Variants in ITGA7 observed in about 807,000 individuals in gnomAD.
The protein encoded by ITGA7 is integrin alpha-7.
Under a neutral mutation model 131.6 loss-of-function variants are expected in ITGA7, and 84 were observed. The ratio of observed to expected loss-of-function variants is 0.64; its 90% CI spans 0.54 to 0.77. The LOEUF is 0.77. Among genes scored for constraint, ITGA7 ranks in the 30% least tolerant of loss-of-function variants. The pLI is 0.00. For missense variants in ITGA7, 1,399 were observed against 1,482.9 expected (o/e 0.94, Z 0.93); for synonymous variants, 548 against 600.7 (o/e 0.91, Z 1.28).
intron 24 of ITGA7, chr12:55,686,324 C>T (rs768207634): frequency 6.4e-5 from 85 of 1,319,028 alleles, no homozygotes; most frequent in Non-Finnish European, 8.2e-5. Flanking sequence ...ACTAGGATGT[C>T]GAGGGAGAAG....
At position 55,697,957 on chromosome 12, in the gene ITGA7, A is replaced by AC. The variant is rs1190056931; in HGVS notation, c.1261dup (p.Val421GlyfsTer36). The AC allele has an allele frequency of 6.2e-7, 1 of 1,613,894 alleles. No individual in the cohort carries two copies. Among genetic ancestry groups the AC allele is most frequent in the East Asian group, 2.2e-5 (1 of 44,856 alleles). On this transcript the variant is annotated frameshift_variant, in exon 8 of 25. Transcript: ENST00000257879. LOFTEE classifies it high-confidence loss of function. ...CCTCACCTGTGAAGGTTTGGCGACA[A>AC]CCCCCAGGCTGCTCCCATGGTAGAT...
At chr12:55,696,789 G>T in intron 12 of ITGA7, 110 bp downstream of exon 12, 1 of 1,245,474 alleles carries the variant, frequency 8.0e-7, no homozygotes, top group South Asian at 1.2e-5. Context: ...CACGTGTCTA[G>T]GTCTTAGAAG....
chr12:55,700,764 G>A (rs1873816421), intron 4 of ITGA7, 135 bp downstream of exon 4: 5 of 1,144,838 alleles, frequency 4.4e-6, no homozygotes, highest in Admixed American at 1.9e-5. Context: ...TCAATGGGGT[G>A]GAAGGCATGG....
chr12:55,685,015 A>G lies in ITGA7; in HGVS notation c.*43T>C. On this transcript the variant is annotated 3_prime_UTR_variant, in exon 25 of 25. Transcript: ENST00000257879. The stretch of plus-strand genomic sequence containing the variant: ...TCATCCCAAGGAGCCATCTCTGGGG[A>G]AGGGATGGAGGGCAGCCACAGGCCA... 6.8e-7 allele frequency: 1 copy of G among 1,464,378 alleles called. No homozygotes were observed. 90.7% of individuals were successfully genotyped at this position (1,464,378 alleles called of 1,614,324 possible). A position where few individuals can be genotyped will look rare whatever the true frequency, so the allele number is the denominator to read the frequency against.
Position 55,701,148 on chromosome 12 carries a change from C to T in ITGA7, c.421G>A (p.Ala141Thr). ...CGCTGCCTTGCCTCATATCGGTGTGCACAGGTCTGGGGGAGGAAGGGATGG... is the reference window on the plus strand; with the variant it reads ...CGCTGCCTTGCCTCATATCGGTGTGTACAGGTCTGGGGGAGGAAGGGATGG... ...QGPGGKIVTC[A>T]HRYEARQRVD... The change falls in exon 4 of 25, where the codon GCA (alanine) becomes ACA (threonine). Residue 141 changes from alanine (A) to threonine (T), a missense_variant. Ala to Thr is a moderately conservative substitution (Grantham distance 58). Coordinates refer to ENST00000257879, the MANE Select transcript of ITGA7 (RefSeq NM_002206.3). 3.1e-6 allele frequency: 5 copies of T among 1,614,216 alleles called. No individual in the cohort carries two copies. The highest frequency in any genetic ancestry group is 4.2e-6 in the Non-Finnish European group (5 of 1,180,046).
At chr12:55,696,774 T>C (rs2136018271) in intron 12 of ITGA7, 125 bp downstream of exon 12, 1 of 1,083,434 alleles carries the variant, frequency 9.2e-7, no homozygotes, top group Non-Finnish European at 1.4e-6. Flanking sequence ...AGAAGACAGG[T>C]TTCCCACGTG....
Position 55,693,148 on chromosome 12 carries a change from A to G in ITGA7, c.2705T>C (p.Leu902Pro), listed in dbSNP as rs1381841287. Residue 902 changes from leucine to proline, a missense_variant, in exon 20 of 25, where the codon CTC becomes CCC. Leu to Pro is a moderately conservative substitution (Grantham distance 98). Coordinates refer to ENST00000257879, the MANE Select transcript of ITGA7 (RefSeq NM_002206.3). Reference sequence around the variant, plus strand: ...CCCCCACCTAAGCCTCACCAGGTGGAGGATGTTGGGCCTGGGAGAGCAAAG... The same window carrying G: ...CCCCCACCTAAGCCTCACCAGGTGGGGGATGTTGGGCCTGGGAGAGCAAAG... The part of the protein sequence containing the change: ...KGLCSPRPNI[L>P]HLDVDSRDRR... 1 of 1,613,490 alleles carries G rather than the reference A, an allele frequency of 6.2e-7. No homozygotes were observed. Among genetic ancestry groups the G allele is most frequent in the Non-Finnish European group, 8.5e-7 (1 of 1,179,678 alleles).
rs1387335913 is a variant in ITGA7 at position 55,696,918 on chromosome 12, T to C, written c.1718A>G (p.Asp573Gly). The C allele has an allele frequency of 6.2e-7, 1 of 1,614,118 alleles. No homozygotes were observed. The change falls in exon 12 of 25, where the codon GAC (aspartate) becomes GGC (glycine). Residue 573 changes from aspartate (D) to glycine (G), a missense_variant. By Grantham distance (94) the Asp-to-Gly change is moderately conservative (BLOSUM62 -1). Transcript: ENST00000257879. Reference sequence around the variant, plus strand: ...GTCCACCTGGAGCTGGAACATGGCGTCTCCACAGACTCGGTCATGCTGGTG... The same window carrying C: ...GTCCACCTGGAGCTGGAACATGGCGCCTCCACAGACTCGGTCATGCTGGTG... Reference protein sequence around the residue: ...LKHQHDRVCGDAMFQLQENVK... With the variant: ...LKHQHDRVCGGAMFQLQENVK...
Position 55,694,726 on chromosome 12 carries a change from G to C in ITGA7, c.2197-31C>G, listed in dbSNP as rs748852658. ...ATGGGAGAGAAGGCAAGGTCAGTCT[G>C]GGTTACTGGAGCCCCTCAAGACCCC... On this transcript the variant is annotated intron_variant, in intron 15 of 24. Transcript: ENST00000257879. This position sits in a 1 kb window ranked among gnomAD's most constrained non-coding sequence, Gnocchi z 5.3. The C allele has an allele frequency of 6.2e-7, 1 of 1,613,858 alleles. No homozygotes were observed. The highest frequency in any genetic ancestry group is 8.5e-7 in the Non-Finnish European group (1 of 1,179,768).
Position 55,707,758 on chromosome 12 carries a change from G to C in ITGA7, c.-76C>G. 1 of 1,546,932 alleles carries C rather than the reference G, an allele frequency of 6.5e-7. No homozygotes were observed. Among genetic ancestry groups the C allele is most frequent in the South Asian group, 1.2e-5 (1 of 83,938 alleles). ...CCCCAAGCCCCAGGTCCCCCCAGGC[G>C]CGTCTCTGGTCTCCAAAGTCTCGTT... is the stretch of plus-strand genomic sequence containing the variant. On this transcript the variant is annotated 5_prime_UTR_variant, in exon 1 of 25. Coordinates refer to ENST00000257879, the MANE Select transcript of ITGA7 (RefSeq NM_002206.3).
intron 3 of ITGA7, 186 bp downstream of exon 3, chr12:55,702,686 A>G: frequency 1.6e-6 from 1 of 644,646 alleles, no homozygotes; most frequent in East Asian, 2.8e-5. Flanking sequence ...ATGAATGGAC[A>G]GACATTTTTA....
upstream of ITGA7, chr12:55,712,071 C>T: frequency 6.4e-7 from 1 of 1,551,396 alleles, no homozygotes; most frequent in South Asian, 1.2e-5. Flanking sequence ...ACCTCTCCAG[C>T]ACTGGAATCC....
chr12:55,714,010 A>G (rs1232671779), upstream of ITGA7, among the ~76,000 whole-genome samples: 2 of 152,242 alleles, frequency 1.3e-5, no homozygotes, highest in African/African-American at 4.8e-5. Flanking sequence ...AGCTGGAAAT[A>G]GTTTTAGATA....
chr12:55,695,312 G>A, intron 14 of ITGA7: 4 of 604,924 alleles, frequency 6.6e-6, no homozygotes, highest in South Asian at 2.0e-5. Flanking sequence ...TTAGTGTACT[G>A]TGAAGGATTG....
At chr12:55,687,144 T>C (rs1040516395) in intron 24 of ITGA7, among the ~76,000 whole-genome samples, 1 of 147,902 alleles carries the variant, frequency 6.8e-6, no homozygotes, top group South Asian at 2.2e-4. Context: ...ATAAAATCCC[T>C]GAGAACGAGA....
intron 4 of ITGA7, 61 bp downstream of exon 4, chr12:55,700,838 C>A: frequency 1.2e-6 from 2 of 1,609,792 alleles, no homozygotes; most frequent in Non-Finnish European, 1.7e-6. Context: ...CATCCCCAAC[C>A]CTGTCTCTGA....
At chr12:55,691,430 T>C (rs1282829744) in intron 21 of ITGA7, among the ~76,000 whole-genome samples, 1 of 152,184 alleles carries the variant, frequency 6.6e-6, no homozygotes, top group Non-Finnish European at 1.5e-5. Context: ...GGACTGTAGT[T>C]AATAACAACA....
intron 4 of ITGA7, chr12:55,700,318 C>G (rs777173001): frequency 1.9e-6 from 3 of 1,610,518 alleles, no homozygotes; most frequent in Non-Finnish European, 2.5e-6. Flanking sequence ...CTTCTCTCCC[C>G]CCGCCTCGTA....
rs749773882 is a variant in ITGA7, at chr12:55,698,471, G to A, written c.1104C>T (p.Ile368=). The stretch of plus-strand genomic sequence containing the variant: ...GGGAGCCGCAGAGCCGGAGAGGGGA[G>A]ATCCCAGCCCAGTGACCCCCCTGGT... ...YLNQGGHWAG[I]SPLRLCGSPD... Residue 368 remains isoleucine (I), a synonymous_variant, in exon 7 of 25, where the codon ATC becomes ATT. Coordinates refer to ENST00000257879, the MANE Select transcript of ITGA7 (RefSeq NM_002206.3). 2 of 1,613,838 alleles carry A rather than the reference G, an allele frequency of 1.2e-6. No individual in the cohort carries two copies. Among genetic ancestry groups the A allele is most frequent in the South Asian group, 1.1e-5 (1 of 91,060 alleles).
Sources: allele counts gnomAD v4.1 joint callset (sites outside exome capture counted in the v4.1 genomes callset), GRCh38; gene constraint gnomAD v4.1.1; non-coding constraint Gnocchi (gnomAD v3.1); transcripts MANE v1.5; gene names NCBI Gene and HGNC (gene_info 2026-07-23, HGNC 2026-07-21).